Variants in ST18 observed in about 807,000 individuals in gnomAD.
ST18 encodes the protein suppression of tumorigenicity 18 protein.
In ST18, 50 loss-of-function variants were observed where a neutral mutation model predicts 110.0. The observed-to-expected ratio is 0.45, with a 90% CI of 0.36 to 0.58. ST18 has a LOEUF of 0.58. ST18 is among the 20% of genes least tolerant of loss of function. The probability of loss-of-function intolerance (pLI) is 0.00; values close to 1 mark genes in which losing one functional copy is unlikely to be tolerated. For synonymous variants in ST18, 461 were observed against 452.4 expected, an observed-to-expected ratio of 1.02 and a Z score of -0.24; for missense variants, 1,306 against 1,280.1, an observed-to-expected ratio of 1.02 and a Z score of -0.31.
At chr8:52,243,412 C>T (rs563937351) in intron 2 of ST18, among the ~76,000 whole-genome samples, 2 of 152,224 alleles carry the variant, frequency 1.3e-5, no homozygotes, top group South Asian at 2.1e-4. Context: ...CCCAGGAGTA[C>T]TTGGGACTCA....
At chr8:52,207,920 T>C (rs1436980739) in intron 8 of ST18, among the ~76,000 whole-genome samples, 1 of 152,164 alleles carries the variant, frequency 6.6e-6, no homozygotes, top group Non-Finnish European at 1.5e-5. Flanking sequence ...AGGATAATAG[T>C]AATAAAAGAA....
At chr8:52,407,452 A>G (rs1406775107) in intron 2 of ST18, 2 of 99,896 alleles carry the variant, frequency 2.0e-5, no homozygotes, top group East Asian at 2.6e-4. Flanking sequence ...TTTTTTCAAT[A>G]TTTTTATCAA....
intron 2 of ST18, among the ~76,000 whole-genome samples, chr8:52,377,294 T>C (rs1187250605): frequency 6.6e-6 from 1 of 152,242 alleles, no homozygotes; most frequent in African/African-American, 2.4e-5. Context: ...CTGGTGTTTA[T>C]GCTTCTACCT....
At chr8:52,234,731 GT>G (rs2092340726) in intron 2 of ST18, among the ~76,000 whole-genome samples, 7 of 70,076 alleles carry the variant, frequency 1.0e-4, no homozygotes, top group African/African-American at 6.4e-4. Context: ...AAACTATGGT[GT>G]GTGTGTGTGT....
chr8:52,165,756 C>G (rs998714063), intron 11 of ST18, among the ~76,000 whole-genome samples: 4 of 152,194 alleles, frequency 2.6e-5, no homozygotes, highest in Non-Finnish European at 5.9e-5. Flanking sequence ...GCTAAACTGG[C>G]AGGACAGCAC....
intron 2 of ST18, among the ~76,000 whole-genome samples, chr8:52,335,853 C>T (rs764343374): frequency 1.3e-5 from 2 of 152,116 alleles, no homozygotes; most frequent in Non-Finnish European, 2.9e-5. Context: ...AGGTGTCCTC[C>T]GTAAGCACCT....
At chr8:52,260,583 C>A (rs2094657896) in intron 2 of ST18, among the ~76,000 whole-genome samples, 1 of 152,162 alleles carries the variant, frequency 6.6e-6, no homozygotes, top group Non-Finnish European at 1.5e-5. Flanking sequence ...AGCCCTCTTA[C>A]TCCCTCTGGA....
At chr8:52,218,554 ATTTTTTT>A (rs745791743) in intron 5 of ST18, among the ~76,000 whole-genome samples, 9 of 100,890 alleles carry the variant, frequency 8.9e-5, no homozygotes, top group Admixed American at 5.7e-4. Flanking sequence ...TGCCTGGCTA[ATTTTTTT>A]TTTTTTTTTT....
At chr8:52,137,275 A>G (rs1434622849) in intron 18 of ST18, 146 bp downstream of exon 18, 1 of 789,860 alleles carries the variant, frequency 1.3e-6, no homozygotes, top group African/African-American at 1.7e-5. Flanking sequence ...ATATCACATA[A>G]TTTTATTTCT....
intron 13 of ST18, among the ~76,000 whole-genome samples, chr8:52,162,932 C>T (rs1032486691): frequency 2.6e-5 from 4 of 152,074 alleles, no homozygotes; most frequent in African/African-American, 7.2e-5. Flanking sequence ...ATAAAAATAT[C>T]TGAGCAACTA....
rs982414124 is a variant in ST18 at position 52,307,133 on chromosome 8, G to C, written c.-464-77056C>G. Among the ~76,000 whole-genome samples the C allele has an allele frequency of 7.2e-5, 11 of 152,048 alleles. 1 individual carries two copies. The highest frequency in any genetic ancestry group is 5.8e-4 in the East Asian group (3 of 5,182). ...CAGAAGTTCGAGACCAACCTGGGCG[G>C]CATAGTGGGATCCTGCCTCTAGAAA... On this transcript the variant is annotated intron_variant, in intron 2 of 25. Coordinates refer to ENST00000689386, the MANE Select transcript of ST18 (RefSeq NM_001352837.2).
chr8:52,116,286 G>A lies in ST18; in HGVS notation c.2992C>T (p.Leu998Phe). 2 of 1,613,494 alleles carry A rather than the reference G, an allele frequency of 1.2e-6. No homozygotes were observed. Among genetic ancestry groups the A allele is most frequent in the Admixed American group, 1.7e-5 (1 of 59,958 alleles). ...ALISSLADIQ[L>F]PQMGPISEQN... ...GGCCTTGAACTTACCATCTGTGGAA[G>A]CTGGATGTCAGCAAGGCTTGAAATG... The change falls in exon 25 of 26, where the codon CTT becomes TTT. Residue 998 changes from leucine to phenylalanine, a missense_variant. Physicochemically the swap from Leu to Phe is conservative, Grantham distance 22. Transcript: ENST00000689386.
chr8:52,331,366 T>C (rs1809317697), intron 2 of ST18, among the ~76,000 whole-genome samples: 1 of 151,818 alleles, frequency 6.6e-6, no homozygotes, highest in Non-Finnish European at 1.5e-5. Context: ...CATATATCTA[T>C]GCACACACAT....
rs145578440 is a variant in ST18, at chr8:52,318,860, G to C, written c.-464-88783C>G. ...TGCGTATTCTCACTTATAAGTGGGA[G>C]CTAAATTATGAGAACACATGGACAC... On this transcript the variant is annotated intron_variant, in intron 2 of 25. Coordinates refer to ENST00000689386, the MANE Select transcript of ST18 (RefSeq NM_001352837.2). 6.0e-3 allele frequency among the ~76,000 whole-genome samples: 906 copies of C among 151,334 alleles called. 7 individuals are homozygous for C. The highest frequency in any genetic ancestry group is 0.021 in the African/African-American group (859 of 41,200).
chr8:52,327,174 T>C (rs1335738743), intron 2 of ST18, among the ~76,000 whole-genome samples: 1 of 152,266 alleles, frequency 6.6e-6, no homozygotes, highest in African/African-American at 2.4e-5. Context: ...CTACTGGTCA[T>C]GTACTCATAA....
chr8:52,385,087 C>A (rs149745904), intron 2 of ST18, among the ~76,000 whole-genome samples: 2 of 152,240 alleles, frequency 1.3e-5, no homozygotes, highest in South Asian at 2.1e-4. Flanking sequence ...AAGACAGAAA[C>A]GTGAGACTCA....
At position 52,221,665 on chromosome 8, in the gene ST18, C is replaced by T. The variant is rs918060573; in HGVS notation, c.-290G>A. The stretch of plus-strand genomic sequence containing the variant: ...CTTTCTTGCAGAAAATTTCTACCGT[C>T]CTGCCTTCTCTACCCTTTGCAGTAT... On this transcript the variant is annotated 5_prime_UTR_variant, in exon 4 of 26. Coordinates refer to ENST00000689386, the MANE Select transcript of ST18 (RefSeq NM_001352837.2). The T allele has an allele frequency of 6.6e-6, 1 of 152,212 alleles. No individual in the cohort carries two copies. Among genetic ancestry groups the T allele is most frequent in the African/African-American group, 2.4e-5 (1 of 41,458 alleles). 9.4% of individuals were successfully genotyped at this position (152,212 alleles called of 1,614,324 possible).
chr8:52,237,713 G>A (rs994668040), intron 2 of ST18, among the ~76,000 whole-genome samples: 18 of 152,220 alleles, frequency 1.2e-4, no homozygotes, highest in African/African-American at 4.3e-4. Context: ...AGTGATAAAT[G>A]CAATGGGACA....
chr8:52,321,929 C>A (rs1396807573), intron 2 of ST18, among the ~76,000 whole-genome samples: 1 of 152,188 alleles, frequency 6.6e-6, no homozygotes, highest in Non-Finnish European at 1.5e-5. Flanking sequence ...ACATCTCTAT[C>A]ACCTCCTAAA....
Sources: allele counts gnomAD v4.1 joint callset (sites outside exome capture counted in the v4.1 genomes callset), GRCh38; gene constraint gnomAD v4.1.1; transcripts MANE v1.5; gene names NCBI Gene and HGNC (gene_info 2026-07-23, HGNC 2026-07-21).